Variants in PIP4K2A observed in about 807,000 individuals in gnomAD.
PIP4K2A encodes the protein phosphatidylinositol 5-phosphate 4-kinase type-2 alpha.
A neutral mutation model predicts 42.9 loss-of-function variants in PIP4K2A; 14 were observed. The observed-to-expected ratio is 0.33, with a 90% CI of 0.22 to 0.51. The LOEUF (loss-of-function observed/expected upper bound fraction) is 0.51. Among genes scored for constraint, PIP4K2A ranks in the 20% least tolerant of loss-of-function variants. The probability of loss-of-function intolerance (pLI) is 0.97; values close to 1 mark genes in which losing one functional copy is unlikely to be tolerated. For missense variants in PIP4K2A, 434 were observed against 519.8 expected (o/e 0.83, Z 1.61); for synonymous variants, 192 against 192.2 (o/e 1.00, Z 0.01).
intron 1 of PIP4K2A, among the ~76,000 whole-genome samples, chr10:22,703,597 A>G (rs903070284): frequency 6.6e-6 from 1 of 152,204 alleles, no homozygotes; most frequent in African/African-American, 2.4e-5. Context: ...CCAGGCCAGT[A>G]AGATCCTGCA....
chr10:22,579,319 C>A lies in PIP4K2A; in HGVS notation c.493-5862G>T, dbSNP rs569390049. Among the ~76,000 whole-genome samples the A allele has an allele frequency of 4.6e-5, 7 of 152,224 alleles. No homozygotes were observed. In the South Asian group the frequency reaches 1.5e-3, roughly 32 times the overall value. ...TTTGAGGAAAGGGGTGGAGCAGAAT[C>A]GTAACCCTAGTGATATCAATCTGTC... is the stretch of plus-strand genomic sequence containing the variant. On this transcript the variant is annotated intron_variant, in intron 4 of 9. Coordinates refer to ENST00000376573, the MANE Select transcript of PIP4K2A (RefSeq NM_005028.5).
At chr10:22,590,233 G>A (rs766545684) in intron 4 of PIP4K2A, among the ~76,000 whole-genome samples, 53 of 152,224 alleles carry the variant, frequency 3.5e-4, no homozygotes, top group Middle Eastern at 3.4e-3. Context: ...CCCAGTCTAC[G>A]GTTTTTTATG....
rs77188780 is a variant in PIP4K2A at position 22,676,150 on chromosome 10, T to C, written c.144+38033A>G. On this transcript the variant is annotated intron_variant, in intron 1 of 9. Transcript: ENST00000376573. ...AGCATTTTTGAAGTGTCTGTTTCCA[T>C]TGACAGCAGAGGCTCAAAAACTGTG... 4.6e-5 allele frequency among the ~76,000 whole-genome samples: 7 copies of C among 152,226 alleles called. No homozygotes were observed. In the East Asian group the frequency reaches 5.8e-4, roughly 13 times the overall value.
intron 1 of PIP4K2A, chr10:22,659,874 G>C (rs986320252): frequency 2.0e-5 from 3 of 151,950 alleles, no homozygotes; most frequent in African/African-American, 7.3e-5. Context: ...ATAGCCTAAA[G>C]GGCAGGTCTA....
At position 22,542,053 on chromosome 10, in the gene PIP4K2A, G is replaced by A; in HGVS notation, c.793-6C>T. ...AGCTTCAGCTGGGCCAGAAACTGGG[G>A]ACAGAGGCAACAGGGTGAGTCAGCC... On this transcript the variant is annotated splice_polypyrimidine_tract_variant and splice_region_variant and intron_variant, in intron 7 of 9. Transcript: ENST00000376573. 1 of 1,602,704 alleles carries A rather than the reference G, an allele frequency of 6.2e-7. No individual in the cohort carries two copies. Among genetic ancestry groups the A allele is most frequent in the Non-Finnish European group, 8.5e-7 (1 of 1,174,274 alleles).
At chr10:22,625,909 TTTC>T (rs1429821860) in intron 1 of PIP4K2A, among the ~76,000 whole-genome samples, 1 of 152,210 alleles carries the variant, frequency 6.6e-6, no homozygotes, top group Non-Finnish European at 1.5e-5. Context: ...GGAAATGGCC[TTTC>T]TTATCTCTTG....
At chr10:22,623,636 A>G (rs2130750838) in intron 1 of PIP4K2A, among the ~76,000 whole-genome samples, 1 of 152,336 alleles carries the variant, frequency 6.6e-6, no homozygotes, top group East Asian at 1.9e-4. Flanking sequence ...TGCACTGCTC[A>G]GGTCCAGTGC....
At chr10:22,696,266 T>C in intron 1 of PIP4K2A, among the ~76,000 whole-genome samples, 1 of 152,220 alleles carries the variant, frequency 6.6e-6, no homozygotes. Flanking sequence ...AACTGTGTTT[T>C]TGTTTTTGTA....
intron 1 of PIP4K2A, among the ~76,000 whole-genome samples, chr10:22,713,010 A>G (rs905393177): frequency 6.6e-6 from 1 of 152,088 alleles, no homozygotes; most frequent in African/African-American, 2.4e-5. Flanking sequence ...AAGGACATAC[A>G]GACATCCATC....
chr10:22,547,613 G>A (rs566716034), intron 7 of PIP4K2A, among the ~76,000 whole-genome samples: 1 of 152,288 alleles, frequency 6.6e-6, no homozygotes, highest in East Asian at 1.9e-4. Context: ...ATGGATGGGG[G>A]GCTATAAACC....
intron 1 of PIP4K2A, among the ~76,000 whole-genome samples, chr10:22,673,149 T>A (rs1421295835): frequency 6.6e-6 from 1 of 152,232 alleles, no homozygotes; most frequent in Non-Finnish European, 1.5e-5. Context: ...GACTTCTACC[T>A]AATTCAGGCA....
chr10:22,709,624 G>C (rs1833881411), intron 1 of PIP4K2A, among the ~76,000 whole-genome samples: 1 of 152,156 alleles, frequency 6.6e-6, no homozygotes, highest in South Asian at 2.1e-4. Flanking sequence ...AGAAATCACT[G>C]ACCTGACATG....
chr10:22,585,916 CAAGTTG>C (rs1345523520), intron 4 of PIP4K2A, among the ~76,000 whole-genome samples: 1 of 152,108 alleles, frequency 6.6e-6, no homozygotes, highest in Non-Finnish European at 1.5e-5. Context: ...AATTTTAATT[CAAGTTG>C]AAGCTACATG....
intron 4 of PIP4K2A, among the ~76,000 whole-genome samples, chr10:22,578,281 T>C (rs10764339): frequency 0.69 from 104,992 of 152,040 alleles, 36,750 homozygotes; most frequent in East Asian, 0.97. Flanking sequence ...TACGCTTATT[T>C]TCTGTTGCTC....
At chr10:22,574,055 T>C (rs1837052785) in intron 4 of PIP4K2A, among the ~76,000 whole-genome samples, 1 of 152,116 alleles carries the variant, frequency 6.6e-6, no homozygotes. Flanking sequence ...TCCACCAAGT[T>C]AACTGGACAA....
intron 1 of PIP4K2A, among the ~76,000 whole-genome samples, chr10:22,660,486 A>C (rs1195672423): frequency 6.6e-6 from 1 of 152,098 alleles, no homozygotes; most frequent in Non-Finnish European, 1.5e-5. Context: ...AATAAAAAAT[A>C]AATAAACGCT....
Position 22,536,730 on chromosome 10 carries a change from A to AAAACAAAACAAAACAAAAC in PIP4K2A, c.*470_*471insGTTTTGTTTTGTTTTGTTT, listed in dbSNP as rs1554791627. The AAAACAAAACAAAACAAAAC allele has an allele frequency of 8.1e-5, 12 of 148,690 alleles. No individual in the cohort carries two copies. The highest frequency in any genetic ancestry group is 1.8e-4 in the Non-Finnish European group (12 of 66,902). The allele number at this position is 148,690 out of a possible 1,614,324, so 9.2% of individuals were successfully genotyped here. A position where few individuals can be genotyped will look rare whatever the true frequency, so the allele number is the denominator to read the frequency against. ...TTTCAACTCCAAAAAAAAAAAAAAA[A>AAAACAAAACAAAACAAAAC]AAAAAAAACTGATCCACAGTTTGTT... On this transcript the variant is annotated 3_prime_UTR_variant, in exon 10 of 10. Coordinates refer to ENST00000376573, the MANE Select transcript of PIP4K2A (RefSeq NM_005028.5).
intron 1 of PIP4K2A, among the ~76,000 whole-genome samples, chr10:22,654,205 T>G (rs988019315): frequency 2.0e-5 from 3 of 152,232 alleles, no homozygotes; most frequent in Admixed American, 2.0e-4. Context: ...CAGGAAAATT[T>G]AATCTCATAA....
chr10:22,663,680 T>A (rs1197914613), intron 1 of PIP4K2A, among the ~76,000 whole-genome samples: 3 of 152,100 alleles, frequency 2.0e-5, no homozygotes, highest in Non-Finnish European at 4.4e-5. Context: ...TCTAGACATT[T>A]TTCTATACAG....
Sources: allele counts gnomAD v4.1 joint callset (sites outside exome capture counted in the v4.1 genomes callset), GRCh38; gene constraint gnomAD v4.1.1; transcripts MANE v1.5; gene names NCBI Gene and HGNC (gene_info 2026-07-23, HGNC 2026-07-21).